Variants in SND1 observed in about 807,000 individuals in gnomAD.
SND1 encodes staphylococcal nuclease domain-containing protein 1.
In SND1, 38 loss-of-function variants were observed where a neutral mutation model predicts 121.7. The observed-to-expected ratio is 0.31, with a 90% CI of 0.24 to 0.41. The LOEUF (loss-of-function observed/expected upper bound fraction) is 0.41. Among genes scored for constraint, SND1 ranks in the 10% least tolerant of loss-of-function variants. The probability of loss-of-function intolerance (pLI) is 1.00; values close to 1 mark genes in which losing one functional copy is unlikely to be tolerated. For missense variants in SND1, 868 were observed against 1,184.6 expected, an observed-to-expected ratio of 0.73 and a Z score of 3.92; for synonymous variants, 401 against 447.4, an observed-to-expected ratio of 0.90 and a Z score of 1.31.
chr7:128,083,353 A>T (rs982110228), intron 18 of SND1, among the ~76,000 whole-genome samples: 1 of 152,194 alleles, frequency 6.6e-6, no homozygotes, highest in Non-Finnish European at 1.5e-5. Context: ...TAATCCCTGG[A>T]ATTTCACTGT....
intron 13 of SND1, among the ~76,000 whole-genome samples, chr7:127,893,110 G>A (rs930767754): frequency 2.0e-5 from 3 of 152,060 alleles, no homozygotes; most frequent in Non-Finnish European, 2.9e-5. Flanking sequence ...CCAAGATAGT[G>A]AGTCATTACC....
chr7:128,031,661 G>C (rs1232458724), intron 16 of SND1: 1 of 146,772 alleles, frequency 6.8e-6, no homozygotes, highest in African/African-American at 2.4e-5. Flanking sequence ...CCGCCGGCCG[G>C]AGGAGCGCGC....
intron 10 of SND1, among the ~76,000 whole-genome samples, chr7:127,748,533 A>G (rs554647014): frequency 6.6e-6 from 1 of 152,350 alleles, no homozygotes; most frequent in South Asian, 2.1e-4. Flanking sequence ...GTATCTGGTG[A>G]GAGTAGGAAA....
intron 12 of SND1, among the ~76,000 whole-genome samples, chr7:127,852,024 G>A (rs1180712690): frequency 1.3e-5 from 2 of 152,054 alleles, no homozygotes; most frequent in African/African-American, 2.4e-5. Flanking sequence ...GCTGAGTGTA[G>A]TGATGCATGT....
intron 21 of SND1, among the ~76,000 whole-genome samples, chr7:128,087,873 T>A (rs1793711352): frequency 6.6e-6 from 1 of 151,954 alleles, no homozygotes; most frequent in Admixed American, 6.6e-5. Flanking sequence ...GTGGATACCC[T>A]CTATCCCCAG....
intron 10 of SND1, among the ~76,000 whole-genome samples, chr7:127,785,692 A>G (rs1030967330): frequency 2.0e-5 from 3 of 152,226 alleles, no homozygotes; most frequent in African/African-American, 7.2e-5. Context: ...GCTTTCTCAT[A>G]GTTATTCATT....
intron 16 of SND1, among the ~76,000 whole-genome samples, chr7:128,000,368 C>CTTTCT (rs1802796753): frequency 7.4e-6 from 1 of 135,198 alleles, no homozygotes; most frequent in Admixed American, 7.5e-5. Context: ...GCTTTTGCTT[C>CTTTCT]TTTTTTTTTT....
At chr7:127,768,616 C>G (rs1797460212) in intron 10 of SND1, among the ~76,000 whole-genome samples, 1 of 152,196 alleles carries the variant, frequency 6.6e-6, no homozygotes, top group South Asian at 2.1e-4. Flanking sequence ...CCATTTTTCT[C>G]AGGTTTCCAG....
intron 14 of SND1, among the ~76,000 whole-genome samples, chr7:127,918,327 A>G (rs1233171993): frequency 6.6e-6 from 1 of 151,918 alleles, no homozygotes; most frequent in Non-Finnish European, 1.5e-5. Context: ...CAGCCTCCCA[A>G]AGTTCTGAGA....
chr7:128,030,866 G>A (rs991185869), intron 16 of SND1: 10 of 521,036 alleles, frequency 1.9e-5, no homozygotes, highest in Non-Finnish European at 2.0e-5. Flanking sequence ...CGAAAGCTAC[G>A]ACTCTCCCAC....
In SND1 at chr7:127,997,348, G is replaced by C. The variant is rs188697672; in HGVS notation, c.1779+6292G>C. ...AGGACTTCCCTGAAGGTCCCACATT[G>C]ACTAAGAGTCAGTCTTCTATAGGGC... is the stretch of plus-strand genomic sequence containing the variant. On this transcript the variant is annotated intron_variant, in intron 16 of 23. Transcript: ENST00000354725. 6.0e-5 allele frequency: 12 copies of C among 199,786 alleles called. No homozygotes were observed. In the East Asian group the frequency reaches 1.5e-3, roughly 25 times the overall value. The allele number at this position is 199,786 out of a possible 1,614,324, so 12.4% of individuals were successfully genotyped here. A position where few individuals can be genotyped will look rare whatever the true frequency, so the allele number is the denominator to read the frequency against.
At chr7:127,672,330 C>T (rs1030538322) in intron 1 of SND1, among the ~76,000 whole-genome samples, 11 of 152,080 alleles carry the variant, frequency 7.2e-5, no homozygotes, top group African/African-American at 2.7e-4. Flanking sequence ...ATGGCAGGTG[C>T]AGTGGCTCAT....
At chr7:128,063,101 C>T (rs972404432) in intron 16 of SND1, among the ~76,000 whole-genome samples, 2 of 152,202 alleles carry the variant, frequency 1.3e-5, no homozygotes, top group Non-Finnish European at 1.5e-5. Flanking sequence ...CCCACCTCTG[C>T]TCAACGTCGT....
At chr7:128,025,863 AT>A (rs1803463837) in intron 16 of SND1, among the ~76,000 whole-genome samples, 1 of 152,112 alleles carries the variant, frequency 6.6e-6, no homozygotes, top group Non-Finnish European at 1.5e-5. Flanking sequence ...GAAGCTGAAT[AT>A]AGTCTTCCTT....
At chr7:127,922,535 A>G (rs1281335098) in intron 14 of SND1, among the ~76,000 whole-genome samples, 1 of 152,142 alleles carries the variant, frequency 6.6e-6, no homozygotes, top group Non-Finnish European at 1.5e-5. Context: ...CCAACCAAAT[A>G]AAAGTGTTTG....
intron 1 of SND1, among the ~76,000 whole-genome samples, chr7:127,654,108 T>C (rs962470824): frequency 6.6e-6 from 1 of 152,198 alleles, no homozygotes; most frequent in Non-Finnish European, 1.5e-5. Context: ...CTCTCATTTG[T>C]GGAATGGGAA....
intron 13 of SND1, among the ~76,000 whole-genome samples, chr7:127,888,527 A>G (rs190746481): frequency 2.5e-3 from 384 of 152,246 alleles, no homozygotes; most frequent in Non-Finnish European, 3.8e-3. Flanking sequence ...AAGCCCTGTG[A>G]CATTTTACTT....
intron 8 of SND1, among the ~76,000 whole-genome samples, chr7:127,706,244 G>C (rs56279500): frequency 2.2e-3 from 98 of 43,946 alleles, no homozygotes; most frequent in Non-Finnish European, 2.9e-3. Flanking sequence ...TTAATTTCTT[G>C]CCCCCCCTCC....
At chr7:128,068,395 C>G (rs1266232910) in intron 16 of SND1, among the ~76,000 whole-genome samples, 1 of 152,144 alleles carries the variant, frequency 6.6e-6, no homozygotes, top group Non-Finnish European at 1.5e-5. Context: ...CTTCCTTTCT[C>G]CAGACCCCTC....
Sources: gnomAD v4.1 joint callset for allele counts (sites outside exome capture counted in the v4.1 genomes callset) on GRCh38, gnomAD v4.1.1 for gene constraint, MANE v1.5 for transcripts, NCBI Gene and HGNC (gene_info 2026-07-23, HGNC 2026-07-21) for gene names.